Variants in YARS1 observed in about 807,000 individuals in gnomAD.
The protein encoded by YARS1 is tyrosine--tRNA ligase, cytoplasmic.
YARS1 carries 36 observed loss-of-function variants against 62.2 expected under a neutral mutation model. The ratio of observed to expected loss-of-function variants is 0.58; its 90% CI spans 0.44 to 0.76. YARS1 has a LOEUF of 0.76. Ranked by LOEUF, YARS1 falls within the 30% of genes least tolerant of loss-of-function variation. The probability of loss-of-function intolerance (pLI) is 0.00; values close to 1 mark genes in which losing one functional copy is unlikely to be tolerated. For missense variants in YARS1, 524 were observed against 639.8 expected, an observed-to-expected ratio of 0.82 and a Z score of 1.95; for synonymous variants, 234 against 244.9, an observed-to-expected ratio of 0.96 and a Z score of 0.42.
chr1:32,785,317 C>T (rs1246990110), intron 8 of YARS1, among the ~76,000 whole-genome samples: 6 of 151,864 alleles, frequency 4.0e-5, no homozygotes, highest in South Asian at 2.1e-4. Context: ...GAAAATTAGC[C>T]GGGTGTGGTG....
In YARS1 at chr1:32,810,783, G is replaced by A. The variant is rs1054282742; in HGVS notation, c.205-17C>T. 9 of 1,614,048 alleles carry A rather than the reference G, an allele frequency of 5.6e-6. No homozygotes were observed. Among genetic ancestry groups the A allele is most frequent in the African/African-American group, 1.3e-5 (1 of 74,990 alleles). ...AATTGTTACCTGGACAAGAGATAAGGGGCCACCAAAATGTGAATTTGTCCA... is the reference window on the plus strand; with the variant it reads ...AATTGTTACCTGGACAAGAGATAAGAGGCCACCAAAATGTGAATTTGTCCA... On this transcript the variant is annotated splice_polypyrimidine_tract_variant and intron_variant, in intron 2 of 12. Coordinates refer to ENST00000373477, the MANE Select transcript of YARS1 (RefSeq NM_003680.4).
At chr1:32,782,122 T>C (rs1483824297) in intron 9 of YARS1, 2 of 474,014 alleles carry the variant, frequency 4.2e-6, no homozygotes, top group African/African-American at 3.9e-5. Context: ...CTATCTTTAA[T>C]GAAGAGGCAG....
chr1:32,791,344 T>C (rs1053316095), intron 5 of YARS1, 90 bp from the exon 6 acceptor site: 55 of 965,680 alleles, frequency 5.7e-5, no homozygotes, highest in Non-Finnish European at 4.4e-5. Context: ...AGCAACTGAG[T>C]AGTTGTTATA....
chr1:32,792,298 A>AG (rs1455842988), intron 5 of YARS1, among the ~76,000 whole-genome samples: 1 of 152,196 alleles, frequency 6.6e-6, no homozygotes, highest in Non-Finnish European at 1.5e-5. Context: ...ACCACACCAC[A>AG]GGAGTAAAGG....
intron 4 of YARS1, among the ~76,000 whole-genome samples, chr1:32,799,961 C>A (rs1007685139): frequency 6.6e-6 from 1 of 151,860 alleles, no homozygotes; most frequent in African/African-American, 2.4e-5. Flanking sequence ...GCCCAGCCAA[C>A]AGTGCAGAAC....
chr1:32,778,638 A>G, intron 12 of YARS1, among the ~76,000 whole-genome samples: 1 of 147,564 alleles, frequency 6.8e-6, no homozygotes, highest in Non-Finnish European at 1.5e-5. Context: ...CGATCTCCTG[A>G]CCTCATGATC....
At chr1:32,810,515 A>T (rs763617922) in intron 3 of YARS1, 76 bp downstream of exon 3, 7 of 1,576,376 alleles carry the variant, frequency 4.4e-6, no homozygotes, top group Non-Finnish European at 6.1e-6. Context: ...AAATGTAAAG[A>T]ATGCCTGGAC....
Position 32,794,912 on chromosome 1 carries a change from G to C in YARS1, c.591+2851C>G, listed in dbSNP as rs1234731610. ...CCAGCTACTCGGAAGGCTGAGGCAG[G>C]AGAATGGCTTGAACCCGGGAGGCGG... On this transcript the variant is annotated intron_variant, in intron 5 of 12. Coordinates refer to ENST00000373477, the MANE Select transcript of YARS1 (RefSeq NM_003680.4). 2.0e-5 allele frequency among the ~76,000 whole-genome samples: 3 copies of C among 147,516 alleles called. No homozygotes were observed. In the East Asian group the frequency reaches 6.0e-4, roughly 29 times the overall value.
chr1:32,798,998 G>A (rs1219739140), intron 4 of YARS1, among the ~76,000 whole-genome samples: 2 of 152,174 alleles, frequency 1.3e-5, no homozygotes, highest in South Asian at 2.1e-4. Flanking sequence ...AACTCAGCGT[G>A]CTAAGGGTTA....
At chr1:32,789,641 T>G (rs1431791018) in intron 6 of YARS1, among the ~76,000 whole-genome samples, 1 of 150,676 alleles carries the variant, frequency 6.6e-6, no homozygotes, top group Non-Finnish European at 1.5e-5. Context: ...CAGGCTGGAG[T>G]GCAGTGATGC....
Position 32,810,903 on chromosome 1 carries a change from G to A in YARS1, c.204+8C>T. 6.2e-7 allele frequency: 1 copy of A among 1,614,088 alleles called. No individual in the cohort carries two copies. The highest frequency in any genetic ancestry group is 8.5e-7 in the Non-Finnish European group (1 of 1,180,032). The stretch of plus-strand genomic sequence containing the variant: ...CATTCCCCAAGGGCTTATAGCATTA[G>A]TTCTTACCTCACACCCTGCCTTTAA... On this transcript the variant is annotated splice_region_variant and intron_variant, in intron 2 of 12. Coordinates refer to ENST00000373477, the MANE Select transcript of YARS1 (RefSeq NM_003680.4).
At chr1:32,808,965 A>AT (rs1638522307) in intron 3 of YARS1, among the ~76,000 whole-genome samples, 2 of 152,236 alleles carry the variant, frequency 1.3e-5, no homozygotes, top group Admixed American at 1.3e-4. Flanking sequence ...AGTGCTTATC[A>AT]TATACCAGGG....
At chr1:32,778,785 C>T (rs1652958853) in intron 12 of YARS1, among the ~76,000 whole-genome samples, 2 of 144,380 alleles carry the variant, frequency 1.4e-5, no homozygotes, top group African/African-American at 5.2e-5. Flanking sequence ...GTTGCCCAGG[C>T]TGGAGTGCAA....
chr1:32,781,564 A>G (rs1285302813), intron 9 of YARS1: 1 of 174,924 alleles, frequency 5.7e-6, no homozygotes, highest in Admixed American at 5.6e-5. Flanking sequence ...TTTAGAAAAA[A>G]AAAAAAAAAA....
chr1:32,779,415 G>T lies in YARS1; in HGVS notation c.1443C>A (p.Leu481=). The change falls in exon 12 of 13, where the codon CTC becomes CTA. Residue 481 remains leucine (L), a synonymous_variant. Coordinates refer to ENST00000373477, the MANE Select transcript of YARS1 (RefSeq NM_003680.4). Reference sequence around the variant, plus strand: ...TCTCGAAGACTTTCTTCTTGGGCTTGAGCTCCTCATCTGGTTGGCCCTTTT... The same window carrying T: ...TCTCGAAGACTTTCTTCTTGGGCTTTAGCTCCTCATCTGGTTGGCCCTTTT... ...GYEKGQPDEE[L]KPKKKVFEKL... is the part of the protein sequence containing the mutation. 1 of 1,614,218 alleles carries T rather than the reference G, an allele frequency of 6.2e-7. No homozygotes were observed. The highest frequency in any genetic ancestry group is 8.5e-7 in the Non-Finnish European group (1 of 1,180,046).
chr1:32,811,144 G>T (rs1175372010), intron 1 of YARS1, 87 bp from the exon 2 acceptor site: 2 of 1,592,352 alleles, frequency 1.3e-6, no homozygotes, highest in African/African-American at 2.7e-5. Context: ...AACAGCATGT[G>T]TCAGTGGAGA....
chr1:32,802,777 T>C (rs1638331658), intron 4 of YARS1, among the ~76,000 whole-genome samples: 1 of 152,080 alleles, frequency 6.6e-6, no homozygotes, highest in African/African-American at 2.4e-5. Flanking sequence ...TATCCAGGCT[T>C]TGTTGTTCCA....
At chr1:32,795,321 A>G (rs558323511) in intron 5 of YARS1, among the ~76,000 whole-genome samples, 1 of 152,298 alleles carries the variant, frequency 6.6e-6, no homozygotes, top group South Asian at 2.1e-4. Flanking sequence ...TCCATCTCAA[A>G]AAACAAAAAA....
Position 32,806,493 on chromosome 1 carries a change from G to C in YARS1, c.499C>G (p.Pro167Ala). The stretch of plus-strand genomic sequence containing the variant: ...TCCCCCTTAAGTACCTGCAGTCCGG[G>C]GTATAAGAGGCCACTCAGCAAAGGG... ...EHPLLSGLLY[P>A]GLQALDEEYL... Residue 167 changes from proline (P) to alanine (A), a missense_variant, in exon 4 of 13, where the codon CCC becomes GCC. Transcript: ENST00000373477. The C allele has an allele frequency of 6.2e-7, 1 of 1,614,054 alleles. No individual in the cohort carries two copies. Among genetic ancestry groups the C allele is most frequent in the South Asian group, 1.1e-5 (1 of 91,082 alleles).
Sources: gnomAD v4.1 joint callset for allele counts (sites outside exome capture counted in the v4.1 genomes callset) on GRCh38, gnomAD v4.1.1 for gene constraint, MANE v1.5 for transcripts, NCBI Gene and HGNC (gene_info 2026-07-23, HGNC 2026-07-21) for gene names.